Variants in TTYH3 observed in about 807,000 individuals in gnomAD.
TTYH3 encodes the protein protein tweety homolog 3.
Under a neutral mutation model 68.2 loss-of-function variants are expected in TTYH3, and 23 were observed. The observed-to-expected ratio is 0.34, with a 90% CI of 0.24 to 0.48. The LOEUF is 0.48. TTYH3 is among the 20% of genes least tolerant of loss of function. The probability of loss-of-function intolerance (pLI) is 0.99; values close to 1 mark genes in which losing one functional copy is unlikely to be tolerated. For missense variants in TTYH3, 768 were observed against 727.7 expected (o/e 1.06, Z -0.64); for synonymous variants, 360 against 332.8 (o/e 1.08, Z -0.89).
chr7:2,647,610 G>T lies in TTYH3; in HGVS notation c.598G>T (p.Glu200Ter). ...NTAVSLEVLA[E>*]QVDLYDWYRW... is the part of the protein sequence containing the mutation. ...GGCGGTGTCGCTGGAGGTGCTGGCGGAGCAGGTGGATCTCTACGACTGGTA... is the reference window on the plus strand; with the variant it reads ...GGCGGTGTCGCTGGAGGTGCTGGCGTAGCAGGTGGATCTCTACGACTGGTA... The change falls in exon 4 of 14, where the codon GAG becomes TAG. Residue 200 changes from glutamate (E) to a stop codon, truncating the protein, a stop_gained. Coordinates refer to ENST00000258796, the MANE Select transcript of TTYH3 (RefSeq NM_025250.3). LOFTEE classifies it high-confidence loss of function. 6.4e-7 allele frequency: 1 copy of T among 1,573,076 alleles called. No individual in the cohort carries two copies. The highest frequency in any genetic ancestry group is 2.4e-5 in the East Asian group (1 of 42,522).
Position 2,638,447 on chromosome 7 carries a change from C to T in TTYH3, c.123+6169C>T, listed in dbSNP as rs370817324. On this transcript the variant is annotated intron_variant, in intron 1 of 13. Transcript: ENST00000258796. ...CGGCCTGTGGGGAGACGGGCAGGAG[C>T]GGCTCTGAGCCTCAGCCCCAGGGCT... Among the ~76,000 whole-genome samples the T allele has an allele frequency of 1.8e-3, 277 of 152,158 alleles. 3 individuals are homozygous for T. The highest frequency in any genetic ancestry group is 6.2e-3 in the African/African-American group (259 of 41,474).
At chr7:2,642,432 C>T (rs1451850965) in intron 1 of TTYH3, among the ~76,000 whole-genome samples, 1 of 149,982 alleles carries the variant, frequency 6.7e-6, no homozygotes, top group Non-Finnish European at 1.5e-5. Context: ...GTCCCAGCTA[C>T]TCAGGAGGCT....
At chr7:2,658,136 A>C in intron 11 of TTYH3, 150 bp from the exon 12 acceptor site, 1 of 744,578 alleles carries the variant, frequency 1.3e-6, no homozygotes, top group Non-Finnish European at 2.0e-6. Context: ...GAGCCAGGTG[A>C]CCTGCCCACA....
At chr7:2,652,748 G>T (rs1786220414) in intron 8 of TTYH3, 170 bp from the exon 9 acceptor site, 2 of 606,516 alleles carry the variant, frequency 3.3e-6, no homozygotes, top group Admixed American at 5.8e-5. Context: ...GTCTCTGGGT[G>T]TGTCCCGGGG....
At chr7:2,648,419 C>T (rs1786061322) in intron 5 of TTYH3, 1 of 224,422 alleles carries the variant, frequency 4.5e-6, no homozygotes, top group East Asian at 9.6e-5. Context: ...CTGGGGCAGC[C>T]TGGGTTCCAG....
chr7:2,648,095 A>T, intron 5 of TTYH3, 41 bp downstream of exon 5: 1 of 1,577,434 alleles, frequency 6.3e-7, no homozygotes. Context: ...CCCAAAGCGG[A>T]GGGGCAGGGC....
intron 9 of TTYH3, among the ~76,000 whole-genome samples, chr7:2,654,003 G>A (rs987024529): frequency 6.6e-6 from 1 of 152,268 alleles, no homozygotes; most frequent in African/African-American, 2.4e-5. Flanking sequence ...AGAGGGAGGA[G>A]TGCGTCTGTG....
rs1194362878 is a variant in TTYH3, at chr7:2,637,800, T to TGCTGGGCCTCACACCATCCGAG, written c.123+5524_123+5545dup. Among the ~76,000 whole-genome samples the TGCTGGGCCTCACACCATCCGAG allele has an allele frequency of 2.0e-4, 30 of 152,278 alleles. 1 individual carries two copies. Among genetic ancestry groups the TGCTGGGCCTCACACCATCCGAG allele is most frequent in the African/African-American group, 6.7e-4 (28 of 41,576 alleles). ...CTGCAGGGAGCCCACCCAGGCCCTG[T>TGCTGGGCCTCACACCATCCGAG]GCTGGGCCTCACACCATCCGAGGGG... On this transcript the variant is annotated intron_variant, in intron 1 of 13. Transcript: ENST00000258796.
At chr7:2,644,984 C>T (rs752726083) in intron 1 of TTYH3, among the ~76,000 whole-genome samples, 2 of 152,244 alleles carry the variant, frequency 1.3e-5, no homozygotes, top group African/African-American at 2.4e-5. Flanking sequence ...GCTCCCAAGG[C>T]TGGGGTCCCA....
At chr7:2,647,827 C>T (rs765797743) in intron 4 of TTYH3, 132 bp from the exon 5 acceptor site, 7 of 1,154,360 alleles carry the variant, frequency 6.1e-6, no homozygotes, top group Admixed American at 2.1e-5. Flanking sequence ...CACCAGTCCC[C>T]ATGACCCAGA....
chr7:2,656,480 C>A lies in TTYH3; in HGVS notation c.1196C>A (p.Ala399Asp). Residue 399 changes from alanine to aspartate, a missense_variant, in exon 11 of 14, where the codon GCC becomes GAC. Transcript: ENST00000258796. ...IYLALFSFVT[A>D]LMFSSIVCSV... ...CTGGCCCTCTTCTCCTTCGTCACAGCCCTCATGTTCAGCTCCATCGTCTGC... is the reference window on the plus strand; with the variant it reads ...CTGGCCCTCTTCTCCTTCGTCACAGACCTCATGTTCAGCTCCATCGTCTGC... 8 of 1,611,948 alleles carry A rather than the reference C, an allele frequency of 5.0e-6. No individual in the cohort carries two copies. The highest frequency in any genetic ancestry group is 6.8e-6 in the Non-Finnish European group (8 of 1,179,644).
intron 13 of TTYH3, chr7:2,660,580 C>T: frequency 1.0e-6 from 1 of 980,482 alleles, no homozygotes; most frequent in Non-Finnish European, 1.2e-6. Flanking sequence ...GCCCCCATCC[C>T]CTCCCCTTGT....
intron 1 of TTYH3, among the ~76,000 whole-genome samples, chr7:2,636,495 C>T (rs1046138657): frequency 6.6e-6 from 1 of 152,142 alleles, no homozygotes; most frequent in African/African-American, 2.4e-5. Flanking sequence ...GTCCAGCGTC[C>T]CACGGTGCCA....
chr7:2,652,120 G>A, intron 7 of TTYH3, 67 bp from the exon 8 acceptor site: 2 of 1,384,726 alleles, frequency 1.4e-6, no homozygotes, highest in Admixed American at 1.7e-5. Flanking sequence ...GCAGACACAG[G>A]CAGACGTGCA....
rs1186509906 is a variant in TTYH3 at position 2,656,385 on chromosome 7, C to G, written c.1114-13C>G. On this transcript the variant is annotated splice_polypyrimidine_tract_variant and intron_variant, in intron 10 of 13. Coordinates refer to ENST00000258796, the MANE Select transcript of TTYH3 (RefSeq NM_025250.3). ...CTGTCTCTGGATCCTGCCATCTCAT[C>G]CCACGGCCTCAGGACTACGTGCAAG... 6.2e-7 allele frequency: 1 copy of G among 1,603,500 alleles called. No individual in the cohort carries two copies. The highest frequency in any genetic ancestry group is 1.1e-5 in the South Asian group (1 of 90,582).
Position 2,647,952 on chromosome 7 carries a change from C to T in TTYH3, c.627-7C>T. 1 of 1,606,524 alleles carries T rather than the reference C, an allele frequency of 6.2e-7. No individual in the cohort carries two copies. The highest frequency in any genetic ancestry group is 8.5e-7 in the Non-Finnish European group (1 of 1,179,844). On this transcript the variant is annotated splice_polypyrimidine_tract_variant and splice_region_variant and intron_variant, in intron 4 of 13. Transcript: ENST00000258796. Reference sequence around the variant, plus strand: ...GTGCCCTGGCGCACTCCCAGGTTTGCCTGCAGGTGGCTGGGCTACCTGGGC... The same window carrying T: ...GTGCCCTGGCGCACTCCCAGGTTTGTCTGCAGGTGGCTGGGCTACCTGGGC...
rs1362948015 is a variant in TTYH3 at position 2,645,124 on chromosome 7, C to G, written c.124-1729C>G. Reference sequence around the variant, plus strand: ...CTGAGGGCCCCAGCTGCTGACACCCCCCAGGGCACCCCCAAGTTAGCCTCT... The same window carrying G: ...CTGAGGGCCCCAGCTGCTGACACCCGCCAGGGCACCCCCAAGTTAGCCTCT... On this transcript the variant is annotated intron_variant, in intron 1 of 13. Coordinates refer to ENST00000258796, the MANE Select transcript of TTYH3 (RefSeq NM_025250.3). This position sits in a 1 kb window ranked among gnomAD's most constrained non-coding sequence, Gnocchi z 4.8. 0.022 allele frequency among the ~76,000 whole-genome samples: 2 copies of G among 92 alleles called. No homozygotes were observed. The highest frequency in any genetic ancestry group is 0.059 in the African/African-American group (2 of 34). 0.1% of individuals were successfully genotyped at this position (92 alleles called of 152,430 possible). A position where few individuals can be genotyped will look rare whatever the true frequency, so the allele number is the denominator to read the frequency against.
Position 2,645,656 on chromosome 7 carries a change from C to T in TTYH3, c.124-1197C>T, listed in dbSNP as rs1047838825. ...CAGTGTGGGGCCAGCCCCACCATCT[C>T]ATCCAGCGTGGGGGCACGCCATGGA... On this transcript the variant is annotated intron_variant, in intron 1 of 13. Coordinates refer to ENST00000258796, the MANE Select transcript of TTYH3 (RefSeq NM_025250.3). This position sits in a 1 kb window ranked among gnomAD's most constrained non-coding sequence, Gnocchi z 4.8. The T allele has an allele frequency of 7.5e-6, 3 of 398,340 alleles. No homozygotes were observed. The highest frequency in any genetic ancestry group is 3.2e-5 in the Admixed American group (1 of 31,520). The allele number at this position is 398,340 out of a possible 1,614,324, so 24.7% of individuals were successfully genotyped here.
intron 1 of TTYH3, 133 bp from the exon 2 acceptor site, chr7:2,646,720 G>T: frequency 1.0e-6 from 1 of 991,142 alleles, no homozygotes; most frequent in Non-Finnish European, 1.5e-6. Context: ...CCTACAAGTC[G>T]GGGATGGGGC....
Sources: allele counts gnomAD v4.1 joint callset (sites outside exome capture counted in the v4.1 genomes callset), GRCh38; gene constraint gnomAD v4.1.1; non-coding constraint Gnocchi (gnomAD v3.1); transcripts MANE v1.5; gene names NCBI Gene and HGNC (gene_info 2026-07-23, HGNC 2026-07-21).